TMEM132E: variants seen among roughly 807,000 people sequenced by gnomAD.
TMEM132E encodes the protein transmembrane protein 132E.
Under a neutral mutation model 78.5 loss-of-function variants are expected in TMEM132E, and 49 were observed. The ratio of observed to expected loss-of-function variants is 0.62; its 90% CI spans 0.50 to 0.79. The LOEUF is 0.79. Among genes scored for constraint, TMEM132E ranks in the 30% least tolerant of loss-of-function variants. The probability of loss-of-function intolerance (pLI) is 0.00; values close to 1 mark genes in which losing one functional copy is unlikely to be tolerated. For missense variants in TMEM132E, 1,403 were observed against 1,470.9 expected (o/e 0.95, Z 0.75); for synonymous variants, 715 against 670.6 (o/e 1.07, Z -1.02).
At chr17:34,636,707 TTCCTC>T (rs1907532023) in intron 8 of TMEM132E, among the ~76,000 whole-genome samples, 1 of 152,190 alleles carries the variant, frequency 6.6e-6, no homozygotes, top group Non-Finnish European at 1.5e-5. Flanking sequence ...TGAACCCTGC[TTCCTC>T]ATCTGGAGGG....
intron 1 of TMEM132E, among the ~76,000 whole-genome samples, chr17:34,607,413 C>A (rs1906451937): frequency 1.3e-5 from 2 of 152,272 alleles, no homozygotes; most frequent in South Asian, 4.1e-4. Flanking sequence ...ACAAACAAAT[C>A]TCTTCCCAAA....
intron 1 of TMEM132E, among the ~76,000 whole-genome samples, chr17:34,617,573 C>T (rs928135729): frequency 2.3e-4 from 35 of 152,298 alleles, no homozygotes; most frequent in Middle Eastern, 3.4e-3. Flanking sequence ...TTACACCAAG[C>T]GAGCAATTTG....
chr17:34,598,493 C>A (rs1236396372), intron 1 of TMEM132E, among the ~76,000 whole-genome samples: 1 of 152,004 alleles, frequency 6.6e-6, no homozygotes, highest in Non-Finnish European at 1.5e-5. Flanking sequence ...GGAATAAGTC[C>A]AGCCCCTGAT....
In TMEM132E at chr17:34,638,571, G is replaced by A. The variant is rs1907633074; in HGVS notation, c.*339G>A. The A allele has an allele frequency of 4.1e-6, 1 of 246,304 alleles. No homozygotes were observed. The highest frequency in any genetic ancestry group is 7.8e-6 in the Non-Finnish European group (1 of 128,702). The allele number at this position is 246,304 out of a possible 1,614,324, so 15.3% of individuals were successfully genotyped here. On this transcript the variant is annotated 3_prime_UTR_variant, in exon 9 of 9. Transcript: ENST00000631683. Reference sequence around the variant, plus strand: ...GTGAGGCAAGGAGGTCCAGCTTGGGGTCAGGTGGGCCCACGCTGTGTCCCG... The same window carrying A: ...GTGAGGCAAGGAGGTCCAGCTTGGGATCAGGTGGGCCCACGCTGTGTCCCG...
At chr17:34,602,315 G>T (rs773560437) in intron 1 of TMEM132E, among the ~76,000 whole-genome samples, 16 of 152,206 alleles carry the variant, frequency 1.1e-4, no homozygotes, top group Non-Finnish European at 2.2e-4. Flanking sequence ...GCAGCATATT[G>T]GGCACAGGTC....
chr17:34,637,558 G>T lies in TMEM132E; in HGVS notation c.2551G>T (p.Ala851Ser). 1.3e-6 allele frequency: 2 copies of T among 1,598,952 alleles called. No homozygotes were observed. The highest frequency in any genetic ancestry group is 1.7e-6 in the Non-Finnish European group (2 of 1,175,162). Residue 851 changes from alanine to serine, a missense_variant, in exon 9 of 9, where the codon GCA becomes TCA. This residue lies in a region of TMEM132E where 888 missense variants were observed against 952.8 expected (regional missense o/e 0.93). Coordinates refer to ENST00000631683, the MANE Select transcript of TMEM132E (RefSeq NM_001304438.2). ...TGGCCCGCCGGGCTCTGCGCTACCCGCACCGGAGGCTCCAGGCCCGGGCAC... is the reference window on the plus strand; with the variant it reads ...TGGCCCGCCGGGCTCTGCGCTACCCTCACCGGAGGCTCCAGGCCCGGGCAC... ...GAGPPGSALPAPEAPGPGTAS... is the reference protein window; with the variant it reads ...GAGPPGSALPSPEAPGPGTAS...
chr17:34,589,577 G>A (rs1328831433), intron 1 of TMEM132E, among the ~76,000 whole-genome samples: 2 of 152,204 alleles, frequency 1.3e-5, no homozygotes, highest in Non-Finnish European at 1.5e-5. Context: ...TTTGGGGAGT[G>A]CAATAGTGGC....
intron 1 of TMEM132E, among the ~76,000 whole-genome samples, chr17:34,601,889 T>G (rs1237614658): frequency 6.6e-6 from 1 of 152,182 alleles, no homozygotes; most frequent in African/African-American, 2.4e-5. Flanking sequence ...GCCTCAGGGT[T>G]AATCTCACTC....
intron 1 of TMEM132E, among the ~76,000 whole-genome samples, chr17:34,611,418 A>G (rs1468920679): frequency 6.6e-6 from 1 of 152,184 alleles, no homozygotes; most frequent in Non-Finnish European, 1.5e-5. Context: ...TCCTCTCTGG[A>G]CCTTAGTCTT....
chr17:34,627,492 G>C (rs1907197919), intron 2 of TMEM132E, among the ~76,000 whole-genome samples: 1 of 151,802 alleles, frequency 6.6e-6, no homozygotes, highest in African/African-American at 2.4e-5. Flanking sequence ...GTGTGTGTGT[G>C]TGTGTGTGTG....
intron 2 of TMEM132E, among the ~76,000 whole-genome samples, chr17:34,627,303 T>C (rs1907184028): frequency 6.6e-6 from 1 of 152,214 alleles, no homozygotes; most frequent in South Asian, 2.1e-4. Context: ...CTCATAGAAA[T>C]GGCATCATGG....
chr17:34,633,986 G>A (rs998858536), intron 6 of TMEM132E, among the ~76,000 whole-genome samples: 9 of 152,306 alleles, frequency 5.9e-5, no homozygotes, highest in African/African-American at 1.7e-4. Flanking sequence ...CTCCGTATCT[G>A]TAAAATGGGC....
At chr17:34,587,909 C>T (rs746633822) in intron 1 of TMEM132E, among the ~76,000 whole-genome samples, 8 of 152,192 alleles carry the variant, frequency 5.3e-5, no homozygotes, top group African/African-American at 1.7e-4. Context: ...GCTGCACTGG[C>T]TTTTGAAGTC....
At chr17:34,594,869 TG>T (rs1906001123) in intron 1 of TMEM132E, among the ~76,000 whole-genome samples, 1 of 152,200 alleles carries the variant, frequency 6.6e-6, no homozygotes, top group African/African-American at 2.4e-5. Flanking sequence ...CCCAAAATGC[TG>T]GGGTTACAGG....
At chr17:34,621,249 T>C (rs1393585366) in intron 1 of TMEM132E, among the ~76,000 whole-genome samples, 2 of 152,214 alleles carry the variant, frequency 1.3e-5, no homozygotes, top group African/African-American at 4.8e-5. Flanking sequence ...CTCACAGTTC[T>C]GGGGGCTGGA....
intron 6 of TMEM132E, 57 bp from the exon 7 acceptor site, chr17:34,634,742 A>G (rs899338823): frequency 1.1e-5 from 17 of 1,541,890 alleles, no homozygotes; most frequent in Non-Finnish European, 1.4e-5. Flanking sequence ...CGGGGTGTGT[A>G]CTGTGCAGGT....
chr17:34,614,921 C>T (rs994199360), intron 1 of TMEM132E: 5 of 152,272 alleles, frequency 3.3e-5, no homozygotes, highest in Admixed American at 2.0e-4. Context: ...GGAGCAGAGT[C>T]TAGAGGGGAA....
chr17:34,612,105 G>C (rs886167452), intron 1 of TMEM132E, among the ~76,000 whole-genome samples: 8 of 152,146 alleles, frequency 5.3e-5, no homozygotes, highest in Admixed American at 3.9e-4. Flanking sequence ...CCCAGAGTTT[G>C]CCCTACTCTC....
chr17:34,620,707 T>G (rs1447212513), intron 1 of TMEM132E, among the ~76,000 whole-genome samples: 1 of 152,044 alleles, frequency 6.6e-6, no homozygotes, highest in Non-Finnish European at 1.5e-5. Context: ...TCTGTCAGAG[T>G]CAGAGCTGGC....
Sources: allele counts gnomAD v4.1 joint callset (sites outside exome capture counted in the v4.1 genomes callset), GRCh38; gene constraint gnomAD v4.1.1; regional missense constraint gnomAD v4.1.1; transcripts MANE v1.5; gene names NCBI Gene and HGNC (gene_info 2026-07-23, HGNC 2026-07-21).